Variants in CSF1R observed in about 807,000 individuals in gnomAD.
CSF1R encodes macrophage colony-stimulating factor 1 receptor.
In CSF1R, 40 loss-of-function variants were observed where a neutral mutation model predicts 110.0. The observed-to-expected ratio is 0.36, with a 90% confidence interval of 0.28 to 0.47. The LOEUF (loss-of-function observed/expected upper bound fraction) is 0.47. CSF1R is among the 20% of genes least tolerant of loss of function. The pLI is 0.99. For missense variants in CSF1R, 1,052 were observed against 1,253.0 expected, an observed-to-expected ratio of 0.84 and a Z score of 2.42; for synonymous variants, 523 against 503.4, an observed-to-expected ratio of 1.04 and a Z score of -0.52.
chr5:150,077,967 G>A, intron 4 of CSF1R, 145 bp downstream of exon 4: 1 of 1,021,916 alleles, frequency 9.8e-7, no homozygotes, highest in Admixed American at 2.2e-5. Flanking sequence ...GAGATCTCGG[G>A]TGAGTCTGCA....
intron 1 of CSF1R, among the ~76,000 whole-genome samples, chr5:150,096,283 G>A (rs968577636): frequency 1.3e-5 from 2 of 152,136 alleles, no homozygotes; most frequent in African/African-American, 4.8e-5. Flanking sequence ...CCAGCTACTT[G>A]GGAGGCTGAG....
intron 1 of CSF1R, chr5:150,094,517 G>A (rs1581342733): frequency 3.8e-6 from 6 of 1,599,878 alleles, no homozygotes; most frequent in African/African-American, 1.3e-5. Flanking sequence ...TTCGAATGGC[G>A]AGGATGGCAA....
rs1443222745 is a variant in CSF1R at position 150,097,415 on chromosome 5, AAAG to A, written c.-180-10811_-180-10809del. Among the ~76,000 whole-genome samples the A allele has an allele frequency of 3.7e-4, 56 of 151,844 alleles. 1 individual carries two copies. The highest frequency in any genetic ancestry group is 5.8e-4 in the East Asian group (3 of 5,182). On this transcript the variant is annotated intron_variant, in intron 1 of 21. Transcript: ENST00000286301. ...AAGGAAAGAAGAAGAAAGAAAGAAA[AAAG>A]AAAGAAAGAAAAGAAGAAGAAAGAA...
chr5:150,081,733 T>A (rs1413576442), intron 1 of CSF1R, among the ~76,000 whole-genome samples: 1 of 152,194 alleles, frequency 6.6e-6, no homozygotes, highest in African/African-American at 2.4e-5. Context: ...ACTATGTTTA[T>A]TACCTAGTCT....
rs373141539 is a variant in CSF1R, at chr5:150,077,346, G to A, written c.819C>T (p.Ala273=). ...TGCTGGCCACGCAGGAGTAGTTGCC[G>A]GCATGTTGGAAATCTACTTGATCGA... The part of the protein sequence containing the change: ...LNLDQVDFQH[A]GNYSCVASNV... Residue 273 remains alanine, a synonymous_variant, in exon 5 of 21, where the codon GCC becomes GCT. Coordinates refer to ENST00000675795, the MANE Select transcript of CSF1R (RefSeq NM_001288705.3). 1.2e-4 allele frequency: 194 copies of A among 1,614,042 alleles called. No homozygotes were observed. The highest frequency in any genetic ancestry group is 1.5e-4 in the Non-Finnish European group (176 of 1,180,046).
chr5:150,064,508 G>A (rs901473643), intron 10 of CSF1R, among the ~76,000 whole-genome samples: 17 of 152,172 alleles, frequency 1.1e-4, no homozygotes, highest in Non-Finnish European at 2.2e-4. Context: ...GACCCAGGGA[G>A]AAGAACTTCC....
intron 1 of CSF1R, among the ~76,000 whole-genome samples, chr5:150,108,767 G>A (rs912064800): frequency 1.3e-5 from 2 of 152,192 alleles, no homozygotes; most frequent in African/African-American, 4.8e-5. Context: ...CTGGGCAAGG[G>A]CAGCCTGCTG....
At chr5:150,069,629 A>G (rs1173364973) in intron 9 of CSF1R, among the ~76,000 whole-genome samples, 2 of 152,062 alleles carry the variant, frequency 1.3e-5, no homozygotes, top group African/African-American at 4.8e-5. Flanking sequence ...AGTGGGGGCC[A>G]GTTTCTTCAG....
intron 5 of CSF1R, chr5:150,077,047 C>T (rs2113823094): frequency 1.7e-6 from 1 of 594,078 alleles, no homozygotes; most frequent in Admixed American, 2.9e-5. Flanking sequence ...CTAAGGTGCA[C>T]CCAATGCAGC....
chr5:150,088,494 T>C (rs1426441026), upstream of CSF1R, among the ~76,000 whole-genome samples: 2 of 151,906 alleles, frequency 1.3e-5, no homozygotes, highest in Non-Finnish European at 2.9e-5. Flanking sequence ...GCAAAAATTT[T>C]CAAAAATGTA....
rs78449650 is a variant in CSF1R at position 150,053,838 on chromosome 5, G to C, written c.*231C>G. 1.3e-4 allele frequency: 59 copies of C among 457,458 alleles called. No individual in the cohort carries two copies. The highest frequency in any genetic ancestry group is 5.9e-4 in the East Asian group (18 of 30,266). The allele number at this position is 457,458 out of a possible 1,614,324, so 28.3% of individuals were successfully genotyped here. A position where few individuals can be genotyped will look rare whatever the true frequency, so the allele number is the denominator to read the frequency against. ...AACACCATGAGAACAGTAGGGGAGG[G>C]GGGGGTGAGGGCTCAGCCCCCAGCC... On this transcript the variant is annotated 3_prime_UTR_variant, in exon 21 of 21. Coordinates refer to ENST00000675795, the MANE Select transcript of CSF1R (RefSeq NM_001288705.3).
At chr5:150,101,331 G>A (rs1454145740) in intron 1 of CSF1R, among the ~76,000 whole-genome samples, 1 of 152,230 alleles carries the variant, frequency 6.6e-6, no homozygotes, top group African/African-American at 2.4e-5. Flanking sequence ...CCAGATGCAT[G>A]AGAAAACCCT....
intron 9 of CSF1R, among the ~76,000 whole-genome samples, chr5:150,068,981 A>G (rs775424929): frequency 2.6e-5 from 4 of 152,216 alleles, no homozygotes; most frequent in South Asian, 2.1e-4. Context: ...GGAAAATTCT[A>G]TTTATTTCCT....
At chr5:150,082,585 A>G (rs1368594850) in intron 1 of CSF1R, among the ~76,000 whole-genome samples, 1 of 152,208 alleles carries the variant, frequency 6.6e-6, no homozygotes, top group Non-Finnish European at 1.5e-5. Context: ...GGGCTGCCCT[A>G]TCACTGCTGC....
intron 10 of CSF1R, 52 bp from the exon 11 acceptor site, chr5:150,061,901 G>A (rs2113793234): frequency 6.2e-7 from 1 of 1,611,238 alleles, no homozygotes; most frequent in Non-Finnish European, 8.5e-7. Flanking sequence ...GGCAGTTCCT[G>A]GACCTTGTTT....
Position 150,055,340 on chromosome 5 carries a change from C to A in CSF1R, c.2555-4G>T. ...ATGCCAGGGTAGGGATTCAGCCCTG[C>A]AAAGGCCAAGATCAGGTAAGAGGCC... On this transcript the variant is annotated splice_region_variant and splice_polypyrimidine_tract_variant and intron_variant, in intron 18 of 20. Transcript: ENST00000675795. The A allele has an allele frequency of 6.2e-7, 1 of 1,613,708 alleles. No homozygotes were observed. The highest frequency in any genetic ancestry group is 8.5e-7 in the Non-Finnish European group (1 of 1,179,572).
At chr5:150,067,523 C>T (rs1348608706) in intron 10 of CSF1R, among the ~76,000 whole-genome samples, 2 of 151,912 alleles carry the variant, frequency 1.3e-5, no homozygotes, top group East Asian at 3.9e-4. Context: ...AAAAATGCCC[C>T]TCAAATCACT....
At chr5:150,101,520 G>A (rs1759403548) in intron 1 of CSF1R, among the ~76,000 whole-genome samples, 1 of 152,204 alleles carries the variant, frequency 6.6e-6, no homozygotes, top group Non-Finnish European at 1.5e-5. Context: ...GCAGGGAAGA[G>A]AAAGAAGGGC....
chr5:150,089,021 A>AAAAAC (rs561760625), upstream of CSF1R, among the ~76,000 whole-genome samples: 374 of 152,322 alleles, frequency 2.5e-3, 8 homozygotes, highest in Admixed American at 0.022. Context: ...TGCTTTCATT[A>AAAAAC]AAAACAAAAC....
Sources: allele counts gnomAD v4.1 joint callset (sites outside exome capture counted in the v4.1 genomes callset), GRCh38; gene constraint gnomAD v4.1.1; transcripts MANE v1.5; gene names NCBI Gene and HGNC (gene_info 2026-07-23, HGNC 2026-07-21).